RPSA2: variants seen among roughly 807,000 people sequenced by gnomAD.
RPSA2 encodes small ribosomal subunit protein uS2B.
the RPSA2 span, among the ~76,000 whole-genome samples, chr19:23,853,527 G>A: frequency 1.3e-5 from 2 of 152,254 alleles, no homozygotes; most frequent in African/African-American, 2.4e-5. Flanking sequence ...CATAGGATTA[G>A]GAGGCATGGC....
At chr19:23,823,114 A>G in the RPSA2 span, among the ~76,000 whole-genome samples, 7 of 152,176 alleles carry the variant, frequency 4.6e-5, no homozygotes, top group Non-Finnish European at 7.4e-5. Context: ...GCCATCTAAC[A>G]TCAAAAGAGG....
the RPSA2 span, among the ~76,000 whole-genome samples, chr19:23,792,591 G>C: frequency 6.9e-6 from 1 of 144,242 alleles, no homozygotes; most frequent in Non-Finnish European, 1.5e-5. Flanking sequence ...TTTTGTTTTT[G>C]TTTTTTTTTT....
chr19:23,827,596 T>C, the RPSA2 span: 4 of 1,589,688 alleles, frequency 2.5e-6, no homozygotes, highest in Non-Finnish European at 3.4e-6. Flanking sequence ...TACCTACCAT[T>C]GCGCTGTGTA....
At chr19:23,829,071 T>C in the RPSA2 span, among the ~76,000 whole-genome samples, 1 of 152,166 alleles carries the variant, frequency 6.6e-6, no homozygotes, top group Non-Finnish European at 1.5e-5. Context: ...AATATTATAC[T>C]TTCTGACTTA....
At chr19:23,784,554 C>G in the RPSA2 span, among the ~76,000 whole-genome samples, 1 of 152,326 alleles carries the variant, frequency 6.6e-6, no homozygotes, top group East Asian at 1.9e-4. Flanking sequence ...TTCTGGATTT[C>G]CTTCTTGTAT....
the RPSA2 span, among the ~76,000 whole-genome samples, chr19:23,840,778 T>C: frequency 1.4e-5 from 2 of 143,500 alleles, no homozygotes; most frequent in African/African-American, 5.2e-5. Flanking sequence ...ACCAACACGG[T>C]GAAACCCCAT....
the RPSA2 span, among the ~76,000 whole-genome samples, chr19:23,796,444 A>T: frequency 6.6e-6 from 1 of 150,588 alleles, no homozygotes; most frequent in African/African-American, 2.4e-5. Context: ...AATCTCAGCC[A>T]GGTTTCAGTA....
At chr19:23,761,090 G>GTA in the RPSA2 span, among the ~76,000 whole-genome samples, 1 of 149,446 alleles carries the variant, frequency 6.7e-6, no homozygotes, top group Non-Finnish European at 1.5e-5. Flanking sequence ...ATATATATAT[G>GTA]TGTGTGTGTG....
chr19:23,865,417 G>T, the RPSA2 span, among the ~76,000 whole-genome samples: 1 of 152,128 alleles, frequency 6.6e-6, no homozygotes, highest in Non-Finnish European at 1.5e-5. Flanking sequence ...GTAGGAGAGG[G>T]ATTGAAATGG....
the RPSA2 span, among the ~76,000 whole-genome samples, chr19:23,781,030 A>AGTGGCATGATCT: frequency 6.6e-6 from 1 of 152,186 alleles, no homozygotes; most frequent in Non-Finnish European, 1.5e-5. Context: ...GCTGGAGTGC[A>AGTGGCATGATCT]GTGGCATGAT....
the RPSA2 span, among the ~76,000 whole-genome samples, chr19:23,852,647 G>C: frequency 6.6e-6 from 1 of 152,118 alleles, no homozygotes; most frequent in Non-Finnish European, 1.5e-5. Flanking sequence ...GGTGTTCCTT[G>C]CCCTCATTCC....
At chr19:23,826,515 G>A in the RPSA2 span, among the ~76,000 whole-genome samples, 1 of 151,542 alleles carries the variant, frequency 6.6e-6, no homozygotes, top group Non-Finnish European at 1.5e-5. Flanking sequence ...GTTTTATAGC[G>A]TTTTGCAAAC....
the RPSA2 span, chr19:23,798,832 G>A: frequency 3.8e-5 from 4 of 105,122 alleles, no homozygotes; most frequent in African/African-American, 1.4e-4. Flanking sequence ...GACAGATGAT[G>A]TGGCCACCCA....
At chr19:23,825,122 G>A in the RPSA2 span, among the ~76,000 whole-genome samples, 1 of 152,076 alleles carries the variant, frequency 6.6e-6, no homozygotes, top group East Asian at 1.9e-4. Flanking sequence ...TGGGAGTACA[G>A]GTGCCCGCCA....
the RPSA2 span, among the ~76,000 whole-genome samples, chr19:23,865,029 T>G: frequency 6.6e-6 from 1 of 152,150 alleles, no homozygotes; most frequent in Non-Finnish European, 1.5e-5. Flanking sequence ...TTTATCCTCC[T>G]TTGTTCAGTC....
At chr19:23,848,719 A>C in the RPSA2 span, among the ~76,000 whole-genome samples, 3 of 152,234 alleles carry the variant, frequency 2.0e-5, no homozygotes, top group Non-Finnish European at 1.5e-5. Context: ...GAGACTCATT[A>C]GCTGATCCCC....
chr19:23,857,363 G>T, the RPSA2 span, among the ~76,000 whole-genome samples: 1 of 152,062 alleles, frequency 6.6e-6, no homozygotes, highest in African/African-American at 2.4e-5. Context: ...AAATATCCAT[G>T]AAATCTTCAC....
chr19:23,809,990 C>T, the RPSA2 span, among the ~76,000 whole-genome samples: 1 of 438 alleles, frequency 2.3e-3, no homozygotes, highest in South Asian at 0.17. Context: ...TTTGTTTGGC[C>T]CCCCCAATGT....
chr19:23,793,515 G>A, the RPSA2 span, among the ~76,000 whole-genome samples: 5 of 151,956 alleles, frequency 3.3e-5, no homozygotes, highest in East Asian at 9.7e-4. Flanking sequence ...AAGTGCAGTG[G>A]CATGATCTTG....
Sources: allele counts gnomAD v4.1 joint callset (sites outside exome capture counted in the v4.1 genomes callset), GRCh38; gene constraint gnomAD v4.1.1; transcripts MANE v1.5; gene names NCBI Gene and HGNC (gene_info 2026-07-23, HGNC 2026-07-21).